Variants in PSD3 observed in about 807,000 individuals in gnomAD.
PSD3 encodes PH and SEC7 domain-containing protein 3.
Under a neutral mutation model 105.5 loss-of-function variants are expected in PSD3, and 49 were observed. The ratio of observed to expected loss-of-function variants is 0.46; its 90% CI spans 0.37 to 0.59. The LOEUF (loss-of-function observed/expected upper bound fraction) is 0.59, where lower values mean the gene tolerates loss of function less well. Ranked by LOEUF, PSD3 falls within the 20% of genes least tolerant of loss-of-function variation. PSD3 has a pLI of 0.00. For missense variants in PSD3, 1,561 were observed against 1,263.8 expected (o/e 1.24, Z -3.57); for synonymous variants, 557 against 457.8 (o/e 1.22, Z -2.77).
intron 4 of PSD3, among the ~76,000 whole-genome samples, chr8:18,866,441 A>C (rs752979374): frequency 6.6e-6 from 1 of 152,162 alleles, no homozygotes; most frequent in African/African-American, 2.4e-5. Context: ...TAACCCTTTA[A>C]ATCTCACAGC....
chr8:18,945,458 G>C (rs962044870), intron 1 of PSD3, among the ~76,000 whole-genome samples: 2 of 152,176 alleles, frequency 1.3e-5, no homozygotes, highest in Non-Finnish European at 2.9e-5. Context: ...TCTAGAAATG[G>C]CAAAGAAACA....
chr8:18,539,212 T>C (rs367945430), intron 15 of PSD3, among the ~76,000 whole-genome samples: 2 of 152,168 alleles, frequency 1.3e-5, no homozygotes, highest in African/African-American at 4.8e-5. Flanking sequence ...CAACCACATA[T>C]GTAAATGCTA....
chr8:18,942,103 G>C (rs969031377), intron 1 of PSD3, among the ~76,000 whole-genome samples: 16 of 152,152 alleles, frequency 1.1e-4, no homozygotes, highest in African/African-American at 3.9e-4. Flanking sequence ...TGGGGCTAGA[G>C]GAGTGAGGAG....
At chr8:19,076,902 T>G (rs1356221922) in intron 1 of PSD3, among the ~76,000 whole-genome samples, 1 of 152,184 alleles carries the variant, frequency 6.6e-6, no homozygotes, top group Non-Finnish European at 1.5e-5. Flanking sequence ...CATACCAGCT[T>G]TGTAGGAGGC....
rs142959122 is a variant in PSD3, at chr8:19,040,981, C to T, written c.324+43225G>A. On this transcript the variant is annotated intron_variant, in intron 1 of 1. Transcript: ENST00000521475. ...GATCATAGCACATTGCAGCCTTGAA[C>T]GCCCAGGCTCAAGTGATCCTCTTGC... is the stretch of plus-strand genomic sequence containing the variant. Among the ~76,000 whole-genome samples, 508 of 152,282 alleles carry T rather than the reference C, an allele frequency of 3.3e-3. 1 individual carries two copies. Among genetic ancestry groups the T allele is most frequent in the African/African-American group, 0.012 (485 of 41,562 alleles).
At position 18,731,037 on chromosome 8, in the gene PSD3, C is replaced by T. The variant is rs1163638097; in HGVS notation, c.2172+34412G>A. Among the ~76,000 whole-genome samples, 7 of 150,632 alleles carry T rather than the reference C, an allele frequency of 4.6e-5. No homozygotes were observed. The East Asian group carries it at 1.4e-3, about 29-fold the overall frequency. ...TAGAAAATTCACCCCTTTACCTCCCCCACAAAATAAACACTCTTCACCAGC... is the reference window on the plus strand; with the variant it reads ...TAGAAAATTCACCCCTTTACCTCCCTCACAAAATAAACACTCTTCACCAGC... On this transcript the variant is annotated intron_variant, in intron 9 of 15. Transcript: ENST00000327040.
intron 1 of PSD3, among the ~76,000 whole-genome samples, chr8:19,025,231 T>C (rs1167444362): frequency 2.0e-5 from 3 of 152,140 alleles, no homozygotes; most frequent in Non-Finnish European, 4.4e-5. Context: ...GCCATAATAG[T>C]TCATGGAACA....
rs117097160 is a variant in PSD3 at position 19,063,420 on chromosome 8, T to C, written c.324+20786A>G. ...ACAGTTCTTTGGATATTTGTGATAA[T>C]TGTGGTGGCTCAGGCTAAATCTAGA... On this transcript the variant is annotated intron_variant, in intron 1 of 1. Transcript: ENST00000521475. 2.5e-4 allele frequency among the ~76,000 whole-genome samples: 38 copies of C among 152,328 alleles called. No homozygotes were observed. In the East Asian group the frequency reaches 6.6e-3, roughly 26 times the overall value.
At position 18,804,581 on chromosome 8, in the gene PSD3, A is replaced by G. The variant is rs1247536350; in HGVS notation, c.1851T>C (p.Val617=). 1 of 1,613,622 alleles carries G rather than the reference A, an allele frequency of 6.2e-7. No homozygotes were observed. Among genetic ancestry groups the G allele is most frequent in the Admixed American group, 1.7e-5 (1 of 60,022 alleles). ...LGKNNEFSKL[V]AEEYLKFFDF... is the part of the protein sequence containing the mutation. Reference sequence around the variant, plus strand: ...CAAAAAACTTCAGATATTCTTCTGCAACTAGTTTGCTAAATTCGTTGCTAT... The same window carrying G: ...CAAAAAACTTCAGATATTCTTCTGCGACTAGTTTGCTAAATTCGTTGCTAT... The change falls in exon 6 of 16, where the codon GTT becomes GTC. Residue 617 remains valine (V), a synonymous_variant. Coordinates refer to ENST00000327040, the MANE Select transcript of PSD3 (RefSeq NM_015310.4).
At chr8:18,710,769 A>G (rs970919104) in intron 9 of PSD3, among the ~76,000 whole-genome samples, 5 of 151,946 alleles carry the variant, frequency 3.3e-5, no homozygotes, top group South Asian at 2.1e-4. Context: ...GCAACGTCCA[A>G]CTCCCAGGTT....
chr8:18,661,085 A>G (rs1309937924), intron 9 of PSD3, among the ~76,000 whole-genome samples: 1 of 152,082 alleles, frequency 6.6e-6, no homozygotes, highest in African/African-American at 2.4e-5. Context: ...GCATTGTGTA[A>G]CCGTGAGTCT....
At position 18,852,419 on chromosome 8, in the gene PSD3, T is replaced by C. The variant is rs974114650; in HGVS notation, c.1634+15255A>G. 1.4e-4 allele frequency among the ~76,000 whole-genome samples: 21 copies of C among 152,208 alleles called. 1 individual carries two copies. Among genetic ancestry groups the C allele is most frequent in the Non-Finnish European group, 2.9e-5 (2 of 68,038 alleles). ...CTGCTGGGCAAAGGCAACCTGCACCTATGAAAGAACCCAGACACAATGGCC... is the reference window on the plus strand; with the variant it reads ...CTGCTGGGCAAAGGCAACCTGCACCCATGAAAGAACCCAGACACAATGGCC... On this transcript the variant is annotated intron_variant, in intron 4 of 15. Transcript: ENST00000327040.
At chr8:18,804,275 C>T (rs1271400939) in intron 6 of PSD3, 2 of 372,608 alleles carry the variant, frequency 5.4e-6, no homozygotes, top group Non-Finnish European at 9.5e-6. Flanking sequence ...GGAAATGCTC[C>T]CTAAAGCATT....
intron 9 of PSD3, among the ~76,000 whole-genome samples, chr8:18,716,652 G>C (rs1802618590): frequency 6.6e-6 from 1 of 152,154 alleles, no homozygotes; most frequent in South Asian, 2.1e-4. Context: ...AGTGTAGAAG[G>C]ATGTTATAGG....
At chr8:18,914,292 T>C (rs889241000) in intron 2 of PSD3, among the ~76,000 whole-genome samples, 1 of 151,462 alleles carries the variant, frequency 6.6e-6, no homozygotes, top group Non-Finnish European at 1.5e-5. Context: ...ACAGCTAACA[T>C]CACACTCTTG....
At chr8:18,722,495 C>T (rs932989788) in intron 9 of PSD3, among the ~76,000 whole-genome samples, 3 of 152,088 alleles carry the variant, frequency 2.0e-5, no homozygotes, top group Non-Finnish European at 4.4e-5. Flanking sequence ...GTGAGTAATA[C>T]GTAATCCACA....
chr8:18,880,641 T>C (rs1272203868), intron 2 of PSD3, among the ~76,000 whole-genome samples: 2 of 152,302 alleles, frequency 1.3e-5, no homozygotes. Context: ...CCCAGGCCCC[T>C]CTAGTTTCAA....
intron 9 of PSD3, among the ~76,000 whole-genome samples, chr8:18,726,550 A>C (rs1236794775): frequency 6.6e-6 from 1 of 152,184 alleles, no homozygotes. Context: ...ACTAGGCCCA[A>C]ATCTCCATCC....
chr8:18,752,772 G>C (rs902568953), intron 9 of PSD3, among the ~76,000 whole-genome samples: 1 of 143,264 alleles, frequency 7.0e-6, no homozygotes, highest in Non-Finnish European at 1.5e-5. Flanking sequence ...ATAACCTTTC[G>C]AGATACGATT....
Sources: allele counts gnomAD v4.1 joint callset (sites outside exome capture counted in the v4.1 genomes callset), GRCh38; gene constraint gnomAD v4.1.1; transcripts MANE v1.5; gene names NCBI Gene and HGNC (gene_info 2026-07-23, HGNC 2026-07-21).